Variants in ATXN7L1 observed in about 807,000 individuals in gnomAD.
The protein encoded by ATXN7L1 is ataxin-7-like protein 1.
In ATXN7L1, 15 loss-of-function variants were observed where a neutral mutation model predicts 70.8. The observed-to-expected ratio is 0.21, with a 90% confidence interval of 0.14 to 0.33. The LOEUF (loss-of-function observed/expected upper bound fraction) is 0.33. ATXN7L1 is among the 10% of genes least tolerant of loss of function. The pLI is 1.00. For synonymous variants in ATXN7L1, 440 were observed against 445.1 expected (o/e 0.99, Z 0.14); for missense variants, 975 against 1,097.1 (o/e 0.89, Z 1.57).
intron 5 of ATXN7L1, among the ~76,000 whole-genome samples, chr7:105,640,823 C>T (rs887739701): frequency 2.6e-5 from 4 of 152,240 alleles, no homozygotes; most frequent in African/African-American, 9.6e-5. Flanking sequence ...CGAGCAAACA[C>T]ATAAGTCCTG....
chr7:105,700,023 G>C (rs529730126), intron 3 of ATXN7L1, among the ~76,000 whole-genome samples: 1 of 152,268 alleles, frequency 6.6e-6, no homozygotes, highest in Non-Finnish European at 1.5e-5. Flanking sequence ...TGGAGCTGAG[G>C]AGCAGCGACT....
chr7:105,687,706 A>G (rs552939183), intron 3 of ATXN7L1, among the ~76,000 whole-genome samples: 1 of 152,296 alleles, frequency 6.6e-6, no homozygotes, highest in Admixed American at 6.5e-5. Flanking sequence ...AGTTCACTAG[A>G]TCAGGGAGAA....
intron 3 of ATXN7L1, among the ~76,000 whole-genome samples, chr7:105,679,651 T>A (rs1805265694): frequency 6.6e-6 from 1 of 152,122 alleles, no homozygotes; most frequent in Non-Finnish European, 1.5e-5. Context: ...CCAAGGACAG[T>A]AGATTTGGAG....
chr7:105,864,657 G>A lies in ATXN7L1; in HGVS notation c.250+11155C>T, dbSNP rs901787102. ...TTTTTTTTTTTCTTTTTTTTGAGAC[G>A]GAGTGTCACTCTGTCCCCCAGGCTG... On this transcript the variant is annotated intron_variant, in intron 2 of 11. Transcript: ENST00000419735. Among the ~76,000 whole-genome samples, 23 of 150,030 alleles carry A rather than the reference G, an allele frequency of 1.5e-4. No homozygotes were observed. In the East Asian group the frequency reaches 2.2e-3, roughly 14 times the overall value.
At position 105,613,683 on chromosome 7, in the gene ATXN7L1, G is replaced by T. The variant is rs1385446104; in HGVS notation, c.2472+179C>A. 2.7e-6 allele frequency: 4 copies of T among 1,460,172 alleles called. No homozygotes were observed. In the South Asian group the frequency reaches 5.6e-5, roughly 20 times the overall value. The allele number at this position is 1,460,172 out of a possible 1,614,324, so 90.5% of individuals were successfully genotyped here. On this transcript the variant is annotated intron_variant, in intron 10 of 11. Coordinates refer to ENST00000419735, the MANE Select transcript of ATXN7L1 (RefSeq NM_020725.2). ...CAGTGTCTAGCACATAGTGAGCGTGGTATCAAGTACTTGTTCAGTAAAGTG... is the reference window on the plus strand; with the variant it reads ...CAGTGTCTAGCACATAGTGAGCGTGTTATCAAGTACTTGTTCAGTAAAGTG...
At chr7:105,630,718 A>G (rs1476933962) in intron 7 of ATXN7L1, among the ~76,000 whole-genome samples, 1 of 50,914 alleles carries the variant, frequency 2.0e-5, no homozygotes, top group Non-Finnish European at 4.7e-5. Flanking sequence ...CCCTGTCTCA[A>G]AAAATAAATA....
At chr7:105,793,514 C>T (rs1805544611) in intron 2 of ATXN7L1, among the ~76,000 whole-genome samples, 1 of 152,202 alleles carries the variant, frequency 6.6e-6, no homozygotes, top group Non-Finnish European at 1.5e-5. Flanking sequence ...CTTAGGAAGG[C>T]TGATCCCTCT....
intron 2 of ATXN7L1, among the ~76,000 whole-genome samples, chr7:105,835,147 TG>T (rs1423458929): frequency 1.4e-4 from 14 of 101,048 alleles, no homozygotes; most frequent in Admixed American, 4.3e-4. Context: ...TATAAGTGTG[TG>T]GTTTTTTTTT....
chr7:105,702,797 C>T (rs1003330646), intron 3 of ATXN7L1, among the ~76,000 whole-genome samples: 3 of 151,778 alleles, frequency 2.0e-5, no homozygotes, highest in Non-Finnish European at 2.9e-5. Context: ...CTGACCAACA[C>T]GGAGAAACCC....
At chr7:105,849,358 C>T (rs1814544574) in intron 2 of ATXN7L1, among the ~76,000 whole-genome samples, 1 of 152,198 alleles carries the variant, frequency 6.6e-6, no homozygotes. Context: ...TAACCAGATC[C>T]CTTCTGACAG....
At chr7:105,738,143 C>T (rs1433323198) in intron 3 of ATXN7L1, among the ~76,000 whole-genome samples, 9 of 152,210 alleles carry the variant, frequency 5.9e-5, no homozygotes, top group African/African-American at 2.2e-4. Context: ...TTTAAAAGAT[C>T]TTCCAGGACG....
At chr7:105,664,584 T>C (rs1802312748) in intron 4 of ATXN7L1, among the ~76,000 whole-genome samples, 1 of 147,498 alleles carries the variant, frequency 6.8e-6, no homozygotes, top group Admixed American at 6.8e-5. Context: ...TGTATATATA[T>C]ATATTTGAGA....
chr7:105,628,563 T>C (rs889114774), intron 7 of ATXN7L1, among the ~76,000 whole-genome samples: 2 of 151,656 alleles, frequency 1.3e-5, no homozygotes, highest in Non-Finnish European at 2.9e-5. Flanking sequence ...GCCGAGGCAG[T>C]TGGATCACGA....
At chr7:105,773,742 T>C (rs1212858319) in intron 3 of ATXN7L1, among the ~76,000 whole-genome samples, 2 of 151,944 alleles carry the variant, frequency 1.3e-5, no homozygotes, top group Non-Finnish European at 2.9e-5. Context: ...GCCGGCTGAA[T>C]AATGAAACAA....
At chr7:105,859,306 A>G (rs150974853) in intron 2 of ATXN7L1, among the ~76,000 whole-genome samples, 1 of 152,272 alleles carries the variant, frequency 6.6e-6, no homozygotes, top group African/African-American at 2.4e-5. Flanking sequence ...AAGGTAGCAC[A>G]ATCAAGATGT....
intron 2 of ATXN7L1, among the ~76,000 whole-genome samples, chr7:105,831,670 G>A (rs1811632918): frequency 6.6e-6 from 1 of 152,192 alleles, no homozygotes; most frequent in Non-Finnish European, 1.5e-5. Flanking sequence ...GGAGATGAGA[G>A]TAGACCCAAG....
chr7:105,772,928 T>C (rs896616957), intron 3 of ATXN7L1, among the ~76,000 whole-genome samples: 5 of 152,196 alleles, frequency 3.3e-5, no homozygotes, highest in African/African-American at 1.2e-4. Flanking sequence ...ACAAAAGTGG[T>C]TCACATGCTA....
chr7:105,620,681 G>T (rs1794786856), intron 8 of ATXN7L1, among the ~76,000 whole-genome samples: 1 of 152,090 alleles, frequency 6.6e-6, no homozygotes, highest in Non-Finnish European at 1.5e-5. Flanking sequence ...GATCACTTGA[G>T]GTCAGGAGTT....
At chr7:105,617,943 G>T (rs1410055198) in intron 9 of ATXN7L1, 1 of 456,624 alleles carries the variant, frequency 2.2e-6, no homozygotes, top group Non-Finnish European at 4.4e-6. Flanking sequence ...CCGGGGCCTG[G>T]GGTTTGGGCA....
Sources: allele counts gnomAD v4.1 joint callset (sites outside exome capture counted in the v4.1 genomes callset), GRCh38; gene constraint gnomAD v4.1.1; transcripts MANE v1.5; gene names NCBI Gene and HGNC (gene_info 2026-07-23, HGNC 2026-07-21).